GALNT18: variants seen among roughly 807,000 people sequenced by gnomAD.
GALNT18 encodes polypeptide N-acetylgalactosaminyltransferase 18, also known as GalNAc-transferase 18.
GALNT18 carries 44 observed loss-of-function variants against 69.5 expected under a neutral mutation model. The observed-to-expected ratio is 0.63, with a 90% CI of 0.50 to 0.81. GALNT18 has a LOEUF of 0.81. Among genes scored for constraint, GALNT18 ranks in the 40% least tolerant of loss-of-function variants. GALNT18 has a pLI of 0.00. For missense variants in GALNT18, 715 were observed against 810.0 expected, an observed-to-expected ratio of 0.88 and a Z score of 1.42; for synonymous variants, 364 against 318.2, an observed-to-expected ratio of 1.14 and a Z score of -1.53.
chr11:11,349,767 T>C (rs1850366471), intron 6 of GALNT18, among the ~76,000 whole-genome samples: 1 of 152,246 alleles, frequency 6.6e-6, no homozygotes, highest in Admixed American at 6.5e-5. Flanking sequence ...GGGGTACATA[T>C]TTAGTTATTT....
rs1854995561 is a variant in GALNT18 at position 11,421,145 on chromosome 11, G to A, written c.595+11476C>T. ...AAGACAGTTTCCTGTATCGAGTAAA[G>A]GGGACAAGAGGAGTGATGAGCTACC... is the stretch of plus-strand genomic sequence containing the variant. On this transcript the variant is annotated intron_variant, in intron 3 of 10. Transcript: ENST00000227756. The surrounding 1 kb of genome is among the most constrained non-coding windows in gnomAD (Gnocchi z 5.6). Among the ~76,000 whole-genome samples, 1 of 152,126 alleles carries A rather than the reference G, an allele frequency of 6.6e-6. No individual in the cohort carries two copies. The highest frequency in any genetic ancestry group is 2.4e-5 in the African/African-American group (1 of 41,420).
rs536149281 is a variant in GALNT18 at position 11,617,164 on chromosome 11, A to G, written c.235+4195T>C. Among the ~76,000 whole-genome samples the G allele has an allele frequency of 1.2e-4, 19 of 152,380 alleles. No homozygotes were observed. In the South Asian group the frequency reaches 1.9e-3, roughly 15 times the overall value. On this transcript the variant is annotated intron_variant, in intron 1 of 10. Coordinates refer to ENST00000227756, the MANE Select transcript of GALNT18 (RefSeq NM_198516.3). This position sits in a 1 kb window ranked among gnomAD's most constrained non-coding sequence, Gnocchi z 4.7. ...AACTTTGGCCTGATATCAAAAGTCT[A>G]GCAAATGAATGTACATTTTGGAAAA...
intron 3 of GALNT18, among the ~76,000 whole-genome samples, chr11:11,407,074 C>T (rs1854605105): frequency 6.6e-6 from 1 of 152,180 alleles, no homozygotes; most frequent in Non-Finnish European, 1.5e-5. Context: ...AAGCTCATTG[C>T]CAAAGTACTG....
At position 11,389,011 on chromosome 11, in the gene GALNT18, A is replaced by G. The variant is rs1266195970; in HGVS notation, c.596-9747T>C. Among the ~76,000 whole-genome samples, 1 of 152,250 alleles carries G rather than the reference A, an allele frequency of 6.6e-6. No individual in the cohort carries two copies. The highest frequency in any genetic ancestry group is 2.4e-5 in the African/African-American group (1 of 41,462). On this transcript the variant is annotated intron_variant, in intron 3 of 10. Coordinates refer to ENST00000227756, the MANE Select transcript of GALNT18 (RefSeq NM_198516.3). The surrounding 1 kb of genome is among the most constrained non-coding windows in gnomAD (Gnocchi z 4.3). ...TTCTGTTCCATAGATGAGGAAACAC[A>G]GCCCAGAGAGGCTAAAGGATTTGCC...
chr11:11,522,525 G>C lies in GALNT18; in HGVS notation c.236-73589C>G, dbSNP rs538478455. 5.3e-5 allele frequency among the ~76,000 whole-genome samples: 8 copies of C among 152,226 alleles called. No homozygotes were observed. In the East Asian group the frequency reaches 9.7e-4, roughly 18 times the overall value. ...TGCCCACAGAAACACGCAGCCCTGCGTCAGCTGTCCCACCACCACTCAGCT... is the reference window on the plus strand; with the variant it reads ...TGCCCACAGAAACACGCAGCCCTGCCTCAGCTGTCCCACCACCACTCAGCT... On this transcript the variant is annotated intron_variant, in intron 1 of 10. Transcript: ENST00000227756.
intron 10 of GALNT18, among the ~76,000 whole-genome samples, chr11:11,271,976 G>A (rs552413351): frequency 6.6e-6 from 1 of 152,298 alleles, no homozygotes; most frequent in South Asian, 2.1e-4. Context: ...TGGACCCTTT[G>A]GGTTGCTGGC....
intron 10 of GALNT18, among the ~76,000 whole-genome samples, chr11:11,273,249 A>C (rs548754285): frequency 1.1e-4 from 7 of 65,490 alleles, no homozygotes; most frequent in Admixed American, 9.5e-4. Context: ...GGAAACAATC[A>C]AAGTAAAGAG....
intron 3 of GALNT18, among the ~76,000 whole-genome samples, chr11:11,431,486 T>A (rs1272017528): frequency 1.3e-5 from 2 of 152,188 alleles, no homozygotes; most frequent in East Asian, 3.8e-4. Flanking sequence ...ATTTGCATCC[T>A]CGATGCCTTT....
chr11:11,360,416 T>C (rs1366111830), intron 6 of GALNT18, among the ~76,000 whole-genome samples: 1 of 152,226 alleles, frequency 6.6e-6, no homozygotes, highest in East Asian at 1.9e-4. Context: ...AGTGATGAAT[T>C]TTCACTCAGA....
chr11:11,490,142 T>C (rs1180511311), intron 1 of GALNT18, among the ~76,000 whole-genome samples: 1 of 151,938 alleles, frequency 6.6e-6, no homozygotes, highest in Non-Finnish European at 1.5e-5. Flanking sequence ...AGCAGGTCCA[T>C]TATCATGGGA....
chr11:11,616,177 T>G lies in GALNT18; in HGVS notation c.235+5182A>C, dbSNP rs1860043084. On this transcript the variant is annotated intron_variant, in intron 1 of 10. Coordinates refer to ENST00000227756, the MANE Select transcript of GALNT18 (RefSeq NM_198516.3). The surrounding 1 kb of genome is among the most constrained non-coding windows in gnomAD (Gnocchi z 4.4). ...AGAGAACAATAAGCAAGGACACAAA[T>G]AGTCCCACAAGATAAAACAAATACC... Among the ~76,000 whole-genome samples, 2 of 152,050 alleles carry G rather than the reference T, an allele frequency of 1.3e-5. No individual in the cohort carries two copies. Among genetic ancestry groups the G allele is most frequent in the African/African-American group, 4.8e-5 (2 of 41,378 alleles).
chr11:11,610,831 C>G (rs929763991), intron 1 of GALNT18, among the ~76,000 whole-genome samples: 1 of 152,174 alleles, frequency 6.6e-6, no homozygotes, highest in African/African-American at 2.4e-5. Context: ...AGGTCTGAAG[C>G]CTTCTCAAGA....
At chr11:11,588,511 G>T (rs1215603509) in intron 1 of GALNT18, among the ~76,000 whole-genome samples, 2 of 152,170 alleles carry the variant, frequency 1.3e-5, no homozygotes, top group Admixed American at 6.5e-5. Context: ...TCTCTCCCTA[G>T]ATCAGACAGG....
rs2133051653 is a variant in GALNT18, at chr11:11,335,112, T to C, written c.1279-2281A>G. ...TAGGGAGCCAGTAGAAGAACCTGTC[T>C]CACAAAGGCCTCTGTGTTTTCCTAA... On this transcript the variant is annotated intron_variant, in intron 7 of 10. Transcript: ENST00000227756. 1.3e-5 allele frequency among the ~76,000 whole-genome samples: 2 copies of C among 152,344 alleles called. 1 individual carries two copies. The highest frequency in any genetic ancestry group is 4.1e-4 in the South Asian group (2 of 4,832).
chr11:11,334,543 C>CAA lies in GALNT18; in HGVS notation c.1279-1714_1279-1713dup, dbSNP rs5789679. 8.5e-3 allele frequency among the ~76,000 whole-genome samples: 1,181 copies of CAA among 138,926 alleles called. 13 individuals carry two copies. The highest frequency in any genetic ancestry group is 0.033 in the South Asian group (147 of 4,426). The allele number at this position is 138,926 out of a possible 152,430, so 91.1% of individuals were successfully genotyped here. On this transcript the variant is annotated intron_variant, in intron 7 of 10. Transcript: ENST00000227756. ...GGGCGACAGAGCAAGACTCCGTCTC[C>CAA]AAAAAAAAAAAACCAAAAAACACAA...
intron 1 of GALNT18, among the ~76,000 whole-genome samples, chr11:11,559,154 T>G (rs141617782): frequency 6.6e-6 from 1 of 152,362 alleles, no homozygotes; most frequent in East Asian, 1.9e-4. Context: ...TCAAGCTGTA[T>G]TTAAGTGCCA....
At position 11,465,557 on chromosome 11, in the gene GALNT18, A is replaced by G. The variant is rs2133845695; in HGVS notation, c.236-16621T>C. Among the ~76,000 whole-genome samples, 1 of 152,248 alleles carries G rather than the reference A, an allele frequency of 6.6e-6. No homozygotes were observed. On this transcript the variant is annotated intron_variant, in intron 1 of 10. Coordinates refer to ENST00000227756, the MANE Select transcript of GALNT18 (RefSeq NM_198516.3). The surrounding 1 kb of genome is among the most constrained non-coding windows in gnomAD (Gnocchi z 5.7). The stretch of plus-strand genomic sequence containing the variant: ...TGAGGTCAGGAAGCACAGCTTAGGA[A>G]GGGTCTTGAGAATGGCCTCCGGGAA...
At chr11:11,329,001 TC>T (rs1170163043) in intron 8 of GALNT18, among the ~76,000 whole-genome samples, 1 of 151,422 alleles carries the variant, frequency 6.6e-6, no homozygotes, top group Non-Finnish European at 1.5e-5. Context: ...CCCCCCACCA[TC>T]CCTTAGGCAG....
At position 11,396,970 on chromosome 11, in the gene GALNT18, T is replaced by C. The variant is rs927374096; in HGVS notation, c.596-17706A>G. ...CTCCCCTGTGCATCTTGGGGGTCTC[T>C]GGGAGTCAGAGGAAACCTAGGAGTC... On this transcript the variant is annotated intron_variant, in intron 3 of 10. Coordinates refer to ENST00000227756, the MANE Select transcript of GALNT18 (RefSeq NM_198516.3). This position sits in a 1 kb window ranked among gnomAD's most constrained non-coding sequence, Gnocchi z 5.2. 5.7e-4 allele frequency among the ~76,000 whole-genome samples: 86 copies of C among 152,146 alleles called. No individual in the cohort carries two copies. Among genetic ancestry groups the C allele is most frequent in the African/African-American group, 1.9e-3 (80 of 41,426 alleles).
Sources: allele counts gnomAD v4.1 joint callset (sites outside exome capture counted in the v4.1 genomes callset), GRCh38; gene constraint gnomAD v4.1.1; non-coding constraint Gnocchi (gnomAD v3.1); transcripts MANE v1.5; gene names NCBI Gene and HGNC (gene_info 2026-07-23, HGNC 2026-07-21).